The following CPXM2 variants were observed in gnomAD, a reference collection of about 807,000 sequenced individuals.
The protein encoded by CPXM2 is inactive carboxypeptidase-like protein X2.
Under a neutral mutation model 86.1 loss-of-function variants are expected in CPXM2, and 66 were observed. That is an observed-to-expected ratio of 0.77 (90% CI 0.63 to 0.94). CPXM2 has a LOEUF of 0.94. CPXM2 is among the 40% of genes least tolerant of loss of function. The pLI, the probability that CPXM2 is intolerant of heterozygous loss-of-function variation, is 0.00. For missense variants in CPXM2, 948 were observed against 1,026.3 expected, an observed-to-expected ratio of 0.92 and a Z score of 1.04; for synonymous variants, 388 against 400.2, an observed-to-expected ratio of 0.97 and a Z score of 0.36.
Position 123,754,642 on chromosome 10 carries a change from T to C in CPXM2, c.2017+21A>G. On this transcript the variant is annotated intron_variant, in intron 13 of 13. Transcript: ENST00000241305. This position sits in a 1 kb window ranked among gnomAD's most constrained non-coding sequence, Gnocchi z 4.0. ...ATGGGTATTTCTTACCAAGAGACAGTCTGCACACATTTGCAGTTACCTGTT... is the reference window on the plus strand; with the variant it reads ...ATGGGTATTTCTTACCAAGAGACAGCCTGCACACATTTGCAGTTACCTGTT... 2 of 1,280,604 alleles carry C rather than the reference T, an allele frequency of 1.6e-6. No homozygotes were observed. Among genetic ancestry groups the C allele is most frequent in the Non-Finnish European group, 2.3e-6 (2 of 875,602 alleles). 79.3% of individuals were successfully genotyped at this position (1,280,604 alleles called of 1,614,324 possible).
intron 3 of CPXM2, among the ~76,000 whole-genome samples, chr10:123,857,028 G>C (rs1848740826): frequency 6.6e-6 from 1 of 152,188 alleles, no homozygotes; most frequent in South Asian, 2.1e-4. Flanking sequence ...CCTCACAAGT[G>C]AGTTAGTATA....
At chr10:123,827,382 T>A (rs1220266755) in intron 4 of CPXM2, among the ~76,000 whole-genome samples, 1 of 152,178 alleles carries the variant, frequency 6.6e-6, no homozygotes, top group East Asian at 1.9e-4. Context: ...AGTAAACCTT[T>A]ACCATACTGT....
chr10:123,854,386 ATATATATATTATATAT>A (rs2134178881), intron 3 of CPXM2, among the ~76,000 whole-genome samples: 1 of 117,574 alleles, frequency 8.5e-6, no homozygotes, highest in African/African-American at 3.6e-5. Flanking sequence ...TATATATATA[ATATATATATTATATAT>A]ATATTATATA....
At chr10:123,942,644 T>G (rs1945788208), upstream of CPXM2, among the ~76,000 whole-genome samples, 1 of 152,220 alleles carries the variant, frequency 6.6e-6, no homozygotes, top group Non-Finnish European at 1.5e-5. Context: ...AGAAAACTTG[T>G]GAATAATCCA....
rs549426178 is a variant in CPXM2 at position 123,786,937 on chromosome 10, G to A, written c.890-6682C>T. ...TCAGTGCCAACCTGCCCCCCTTCTT[G>A]TAAGGAAAATGTATAAATACTAAAC... On this transcript the variant is annotated intron_variant, in intron 6 of 13. Coordinates refer to ENST00000241305, the MANE Select transcript of CPXM2 (RefSeq NM_198148.3). Among the ~76,000 whole-genome samples, 9 of 152,266 alleles carry A rather than the reference G, an allele frequency of 5.9e-5. No homozygotes were observed. In the South Asian group the frequency reaches 1.9e-3, roughly 32 times the overall value.
At chr10:123,940,571 G>A (rs940328460), upstream of CPXM2, among the ~76,000 whole-genome samples, 1 of 152,182 alleles carries the variant, frequency 6.6e-6, no homozygotes, top group African/African-American at 2.4e-5. Flanking sequence ...CAGTGAGCAG[G>A]CTTATTTCCC....
intron 3 of CPXM2, among the ~76,000 whole-genome samples, chr10:123,859,453 G>A (rs916535817): frequency 5.3e-5 from 8 of 152,182 alleles, no homozygotes; most frequent in Non-Finnish European, 1.2e-4. Context: ...CTGACACCTC[G>A]ATTTAGCCTA....
intron 4 of CPXM2, among the ~76,000 whole-genome samples, chr10:123,803,455 C>T (rs1847507034): frequency 6.6e-6 from 1 of 151,932 alleles, no homozygotes; most frequent in Admixed American, 6.6e-5. Flanking sequence ...ATAATCCAAT[C>T]TTAGCCATTT....
At chr10:123,902,091 T>C (rs75475082) in intron 2 of CPXM2, among the ~76,000 whole-genome samples, 8,763 of 152,322 alleles carry the variant, frequency 0.058, 364 homozygotes, top group East Asian at 0.21. Context: ...CTATAGTGGA[T>C]AAAATAGCAT....
intron 4 of CPXM2, among the ~76,000 whole-genome samples, chr10:123,799,650 T>TA (rs1251513088): frequency 6.6e-6 from 1 of 152,196 alleles, no homozygotes; most frequent in East Asian, 1.9e-4. Flanking sequence ...TTTGGGAATG[T>TA]AACAAATGAG....
chr10:123,773,235 T>C (rs1253243755), intron 7 of CPXM2, among the ~76,000 whole-genome samples: 7 of 127,568 alleles, frequency 5.5e-5, no homozygotes, highest in Non-Finnish European at 1.1e-4. Context: ...TGGTTATCAC[T>C]TCCCTGGTTG....
At chr10:123,791,379 T>C (rs1308558454) in intron 6 of CPXM2, among the ~76,000 whole-genome samples, 5 of 152,202 alleles carry the variant, frequency 3.3e-5, no homozygotes, top group Non-Finnish European at 5.9e-5. Flanking sequence ...ATCGCTCCAC[T>C]GCACTCCAGC....
At chr10:123,772,466 G>A (rs138225719) in intron 7 of CPXM2, among the ~76,000 whole-genome samples, 159 of 151,820 alleles carry the variant, frequency 1.0e-3, no homozygotes, top group Non-Finnish European at 1.9e-3. Context: ...CACCTCCCTG[G>A]TCATGGTTAT....
At chr10:123,840,245 G>A (rs1263996081) in intron 4 of CPXM2, among the ~76,000 whole-genome samples, 1 of 152,102 alleles carries the variant, frequency 6.6e-6, no homozygotes, top group Non-Finnish European at 1.5e-5. Flanking sequence ...AATATCAACA[G>A]GGAAAACAAT....
Position 123,934,297 on chromosome 10 carries a change from G to A in CPXM2, n.174+5180C>T, listed in dbSNP as rs1051984664. Among the ~76,000 whole-genome samples the A allele has an allele frequency of 5.3e-5, 8 of 152,254 alleles. No homozygotes were observed. The East Asian group carries it at 5.8e-4, about 11-fold the overall frequency. On this transcript the variant is annotated intron_variant and non_coding_transcript_variant, in intron 2 of 19. Transcript: ENST00000368854. The stretch of plus-strand genomic sequence containing the variant: ...CTGGAAGCCAGGAGTCTGAAATGGC[G>A]GTGTCAGCAGAACCACATGCCTCTG...
intron 1 of CPXM2, chr10:123,940,038 G>T (rs748289344): frequency 6.6e-6 from 1 of 152,344 alleles, no homozygotes; most frequent in Non-Finnish European, 1.5e-5. Context: ...CCCCACCATC[G>T]ACATCCCTCA....
intron 2 of CPXM2, among the ~76,000 whole-genome samples, chr10:123,920,049 C>A (rs1296695921): frequency 1.3e-5 from 2 of 152,164 alleles, no homozygotes; most frequent in Admixed American, 1.3e-4. Context: ...TCACACCATG[C>A]CCCTTTTCCA....
chr10:123,883,522 C>T lies in CPXM2; in HGVS notation c.305-3213G>A, dbSNP rs188438160. On this transcript the variant is annotated intron_variant, in intron 1 of 13. Coordinates refer to ENST00000241305, the MANE Select transcript of CPXM2 (RefSeq NM_198148.3). ...TGCTGCCTGATGGGCTTAGGGTGGC[C>T]CTGGCCTGCAGCCTCACTGAGCAAG... is the stretch of plus-strand genomic sequence containing the variant. 1.5e-3 allele frequency among the ~76,000 whole-genome samples: 231 copies of T among 152,348 alleles called. 1 individual carries two copies. Among genetic ancestry groups the T allele is most frequent in the Admixed American group, 5.5e-3 (84 of 15,308 alleles).
At chr10:123,883,244 C>T (rs1945123218) in intron 1 of CPXM2, among the ~76,000 whole-genome samples, 1 of 152,208 alleles carries the variant, frequency 6.6e-6, no homozygotes, top group Non-Finnish European at 1.5e-5. Context: ...AACAGACTCC[C>T]CAAAGGGAGT....
Sources: allele counts gnomAD v4.1 joint callset (sites outside exome capture counted in the v4.1 genomes callset), GRCh38; gene constraint gnomAD v4.1.1; non-coding constraint Gnocchi (gnomAD v3.1); transcripts MANE v1.5; gene names NCBI Gene and HGNC (gene_info 2026-07-23, HGNC 2026-07-21).